Variants in RDH12 observed in about 807,000 individuals in gnomAD.
RDH12 encodes all-trans and 9-cis retinol dehydrogenase.
In RDH12, 21 loss-of-function variants were observed where a neutral mutation model predicts 34.0. The ratio of observed to expected loss-of-function variants is 0.62; its 90% CI spans 0.44 to 0.89. RDH12 has a LOEUF of 0.89. Among genes scored for constraint, RDH12 ranks in the 40% least tolerant of loss-of-function variants. RDH12 has a pLI of 0.00. For missense variants in RDH12, 394 were observed against 398.6 expected (o/e 0.99, Z 0.10); for synonymous variants, 198 against 169.9 (o/e 1.17, Z -1.29).
chr14:67,732,389 C>T (rs142056144), intron 8 of RDH12, among the ~76,000 whole-genome samples: 74 of 150,252 alleles, frequency 4.9e-4, no homozygotes, highest in African/African-American at 1.8e-3. Flanking sequence ...ATGATAGTGC[C>T]ACTGCACTCC....
At chr14:67,713,568 G>A (rs886993870) in intron 1 of RDH12, among the ~76,000 whole-genome samples, 8 of 152,194 alleles carry the variant, frequency 5.3e-5, no homozygotes, top group African/African-American at 1.7e-4. Flanking sequence ...ACCAGGCACT[G>A]ATAGGAGATT....
chr14:67,704,988 G>A (rs2037936498), intron 1 of RDH12, among the ~76,000 whole-genome samples: 1 of 152,220 alleles, frequency 6.6e-6, no homozygotes, highest in African/African-American at 2.4e-5. Context: ...GGTCTAGGTA[G>A]TCCAGGGAGG....
In RDH12 at chr14:67,715,966, C is replaced by T. The variant is rs371420287; in HGVS notation, c.-274-4882C>T. ...ATCCCAGCACTTTGGGAGGCCGAGGCGGGCGGATCACGAGGTCAAGAGATA... is the reference window on the plus strand; with the variant it reads ...ATCCCAGCACTTTGGGAGGCCGAGGTGGGCGGATCACGAGGTCAAGAGATA... On this transcript the variant is annotated intron_variant, in intron 1 of 8. Coordinates refer to ENST00000551171, the MANE Select transcript of RDH12 (RefSeq NM_152443.3). 9.9e-5 allele frequency among the ~76,000 whole-genome samples: 15 copies of T among 152,174 alleles called. No homozygotes were observed. The South Asian group carries it at 2.9e-3, about 29-fold the overall frequency.
chr14:67,727,372 T>C (rs1166124990), intron 7 of RDH12, 182 bp downstream of exon 7: 6 of 626,880 alleles, frequency 9.6e-6, no homozygotes, highest in Non-Finnish European at 1.7e-5. Context: ...TAAAATCAAA[T>C]AGGGGTTAAG....
intron 5 of RDH12, 78 bp downstream of exon 5, chr14:67,725,332 C>A: frequency 1.4e-6 from 2 of 1,444,406 alleles, no homozygotes; most frequent in Non-Finnish European, 1.9e-6. Context: ...CATCTATGGC[C>A]CTTACATCAG....
At chr14:67,712,657 C>G (rs992645854) in intron 1 of RDH12, among the ~76,000 whole-genome samples, 1 of 152,108 alleles carries the variant, frequency 6.6e-6, no homozygotes, top group Non-Finnish European at 1.5e-5. Context: ...AATCTCATTA[C>G]TATATTTCAT....
intron 1 of RDH12, among the ~76,000 whole-genome samples, chr14:67,714,021 C>T (rs778775603): frequency 7.9e-5 from 12 of 152,188 alleles, no homozygotes; most frequent in Non-Finnish European, 1.5e-4. Context: ...CAGTTCCCAG[C>T]TTGAATTTTC....
intron 8 of RDH12, among the ~76,000 whole-genome samples, chr14:67,732,214 A>G (rs1037522039): frequency 6.6e-6 from 1 of 151,480 alleles, no homozygotes; most frequent in Non-Finnish European, 1.5e-5. Context: ...AGGCAGGAGG[A>G]TTGCTTGAGC....
At chr14:67,731,190 A>T in intron 8 of RDH12, among the ~76,000 whole-genome samples, 1 of 145,448 alleles carries the variant, frequency 6.9e-6, no homozygotes, top group African/African-American at 2.5e-5. Flanking sequence ...TGTGTTTCTC[A>T]TCATATTTCT....
At chr14:67,729,141 T>C in intron 7 of RDH12, 50 bp from the exon 8 acceptor site, 1 of 1,586,090 alleles carries the variant, frequency 6.3e-7, no homozygotes, top group South Asian at 1.1e-5. Flanking sequence ...TAAGCTGTTT[T>C]CCTGGGCTCA....
In RDH12 at chr14:67,724,454, T is replaced by C. The variant is rs2038161735; in HGVS notation, c.69-19T>C. On this transcript the variant is annotated intron_variant, in intron 3 of 8. Transcript: ENST00000551171. ...TCGTGAAGGATGGTACGTGATGCTCTTGTTTCCCTTGCCGATAGGAAGTTC... is the reference window on the plus strand; with the variant it reads ...TCGTGAAGGATGGTACGTGATGCTCCTGTTTCCCTTGCCGATAGGAAGTTC... 1.3e-6 allele frequency: 2 copies of C among 1,560,746 alleles called. No individual in the cohort carries two copies. Among genetic ancestry groups the C allele is most frequent in the Admixed American group, 1.7e-5 (1 of 59,806 alleles).
intron 8 of RDH12, chr14:67,729,623 C>T (rs2038241311): frequency 1.6e-6 from 1 of 623,066 alleles, no homozygotes. Context: ...GAAAACTTTG[C>T]AGCTTTCTGA....
chr14:67,722,124 CT>C (rs1463008464), intron 2 of RDH12, among the ~76,000 whole-genome samples: 2 of 152,172 alleles, frequency 1.3e-5, no homozygotes, highest in Non-Finnish European at 2.9e-5. Context: ...TCACTGCCCC[CT>C]CCTCCCTAAG....
chr14:67,721,568 G>A (rs1015593873), intron 2 of RDH12, among the ~76,000 whole-genome samples: 7 of 151,986 alleles, frequency 4.6e-5, no homozygotes, highest in East Asian at 1.9e-4. Context: ...CATCACCCAC[G>A]TTCATCATCT....
intron 3 of RDH12, 51 bp from the exon 4 acceptor site, chr14:67,724,422 T>G: frequency 6.1e-6 from 7 of 1,144,104 alleles, no homozygotes; most frequent in African/African-American, 1.5e-5. Flanking sequence ...CGTATCTTAG[T>G]GTGAGCTCGT....
chr14:67,729,432 C>T (rs774592751), intron 8 of RDH12, 52 bp downstream of exon 8: 9 of 1,545,210 alleles, frequency 5.8e-6, no homozygotes, highest in Admixed American at 1.7e-5. Context: ...TGGGAGGTGC[C>T]GGACTCGCTG....
At chr14:67,705,198 A>G (rs1219619218) in intron 1 of RDH12, among the ~76,000 whole-genome samples, 1 of 152,240 alleles carries the variant, frequency 6.6e-6, no homozygotes, top group Non-Finnish European at 1.5e-5. Flanking sequence ...GAAGGGATGG[A>G]GACTCTTCAT....
intron 1 of RDH12, among the ~76,000 whole-genome samples, chr14:67,703,963 C>T (rs574732697): frequency 6.6e-6 from 1 of 152,314 alleles, no homozygotes; most frequent in East Asian, 1.9e-4. Context: ...CAGGCGTGAG[C>T]CACTGTGCTT....
chr14:67,716,216 G>T (rs1471361087), intron 1 of RDH12, among the ~76,000 whole-genome samples: 1 of 150,230 alleles, frequency 6.7e-6, no homozygotes, highest in African/African-American at 2.4e-5. Context: ...AAAAAGAAAA[G>T]AAAAAAGAAA....
Sources: allele counts gnomAD v4.1 joint callset (sites outside exome capture counted in the v4.1 genomes callset), GRCh38; gene constraint gnomAD v4.1.1; transcripts MANE v1.5; gene names NCBI Gene and HGNC (gene_info 2026-07-23, HGNC 2026-07-21).